Variants in MAGI2 observed in about 807,000 individuals in gnomAD.
The protein encoded by MAGI2 is membrane associated guanylate kinase, WW and PDZ domain containing 2.
MAGI2 carries 35 observed loss-of-function variants against 133.3 expected under a neutral mutation model. That is an observed-to-expected ratio of 0.26 (90% CI 0.20 to 0.35). MAGI2 has a LOEUF of 0.35. MAGI2 is among the 10% of genes least tolerant of loss of function. MAGI2 has a pLI of 1.00. For missense variants in MAGI2, 1,636 were observed against 1,863.4 expected (o/e 0.88, Z 2.25); for synonymous variants, 729 against 710.6 (o/e 1.03, Z -0.41).
chr7:79,304,442 G>A (rs796790746), intron 1 of MAGI2, among the ~76,000 whole-genome samples: 12 of 152,112 alleles, frequency 7.9e-5, no homozygotes, highest in African/African-American at 2.9e-4. Context: ...ATGGGAGACG[G>A]AAGGTTGAAA....
intron 2 of MAGI2, among the ~76,000 whole-genome samples, chr7:78,815,010 G>A (rs184678315): frequency 6.6e-6 from 1 of 152,266 alleles, no homozygotes; most frequent in African/African-American, 2.4e-5. Flanking sequence ...TTACAGGTGA[G>A]AGCCACCACA....
intron 9 of MAGI2, among the ~76,000 whole-genome samples, chr7:78,307,191 G>A (rs574071292): frequency 6.6e-6 from 1 of 152,168 alleles, no homozygotes; most frequent in South Asian, 2.1e-4. Flanking sequence ...GACAACTTTT[G>A]TAATACAAAA....
intron 1 of MAGI2, among the ~76,000 whole-genome samples, chr7:79,051,161 G>A (rs1239487454): frequency 6.6e-6 from 1 of 152,058 alleles, no homozygotes; most frequent in Admixed American, 6.6e-5. Context: ...GAGATACCTG[G>A]TCATAGAATT....
intron 2 of MAGI2, among the ~76,000 whole-genome samples, chr7:78,805,656 G>A (rs1359502105): frequency 2.0e-5 from 3 of 152,140 alleles, no homozygotes; most frequent in South Asian, 2.1e-4. Context: ...AAAGGATACC[G>A]TGGAAATGAT....
rs548486117 is a variant in MAGI2 at position 78,802,189 on chromosome 7, C to A, written c.419-174950G>T. On this transcript the variant is annotated intron_variant, in intron 2 of 21. Coordinates refer to ENST00000354212, the MANE Select transcript of MAGI2 (RefSeq NM_012301.4). The stretch of plus-strand genomic sequence containing the variant: ...TTCAAATAGATTTTCCTTGATCCAC[C>A]AGTCTAACTTAAATTCCTTAAGTTA... Among the ~76,000 whole-genome samples, 19 of 152,254 alleles carry A rather than the reference C, an allele frequency of 1.2e-4. No individual in the cohort carries two copies. The South Asian group carries it at 3.9e-3, about 32-fold the overall frequency.
chr7:78,726,636 T>C (rs11772790), intron 2 of MAGI2, among the ~76,000 whole-genome samples: 12,818 of 152,176 alleles, frequency 0.084, 723 homozygotes, highest in African/African-American at 0.15. Context: ...GAATAAATGG[T>C]TTCAACATTA....
rs191658027 is a variant in MAGI2 at position 78,779,321 on chromosome 7, T to A, written c.419-152082A>T. ...CCACATCTCCTTAGTTCACCTGACA[T>A]TTGCCTGAATGGCTTTCACTATTTA... On this transcript the variant is annotated intron_variant, in intron 2 of 21. Transcript: ENST00000354212. 2.3e-3 allele frequency among the ~76,000 whole-genome samples: 348 copies of A among 152,286 alleles called. 3 individuals carry two copies. The highest frequency in any genetic ancestry group is 7.9e-3 in the African/African-American group (327 of 41,568).
At chr7:79,415,603 T>A (rs377050361) in intron 1 of MAGI2, 1 of 152,078 alleles carries the variant, frequency 6.6e-6, no homozygotes, top group African/African-American at 2.4e-5. Flanking sequence ...CAGTTGGAAG[T>A]TTCCAATGGT....
chr7:78,328,530 C>CACACACACACACACA (rs10525463), intron 9 of MAGI2, among the ~76,000 whole-genome samples: 11,881 of 123,712 alleles, frequency 0.096, 752 homozygotes, highest in Non-Finnish European at 0.12. Context: ...CACACACACA[C>CACACACACACACACA]CCCTCTCTCT....
At chr7:79,445,188 G>A (rs1324878275) in intron 1 of MAGI2, among the ~76,000 whole-genome samples, 1 of 152,134 alleles carries the variant, frequency 6.6e-6, no homozygotes, top group Non-Finnish European at 1.5e-5. Flanking sequence ...AGACTTAAAT[G>A]TTAGACCTAA....
At chr7:78,346,487 C>A (rs1258715278) in intron 7 of MAGI2, among the ~76,000 whole-genome samples, 1 of 152,108 alleles carries the variant, frequency 6.6e-6, no homozygotes, top group East Asian at 1.9e-4. Flanking sequence ...GTATAGCAAC[C>A]AGAGTCTGCA....
At chr7:78,838,636 C>T (rs1360933480) in intron 2 of MAGI2, among the ~76,000 whole-genome samples, 30 of 151,368 alleles carry the variant, frequency 2.0e-4, no homozygotes, top group Admixed American at 2.0e-3. Context: ...TTTGTATGTA[C>T]AAATATATTT....
chr7:79,124,435 A>G (rs1480176412), intron 1 of MAGI2, among the ~76,000 whole-genome samples: 1 of 152,198 alleles, frequency 6.6e-6, no homozygotes, highest in Admixed American at 6.5e-5. Context: ...AAAGGTAGTT[A>G]TTTTGTCTAA....
At chr7:79,301,607 G>A (rs1442161046) in intron 1 of MAGI2, among the ~76,000 whole-genome samples, 3 of 152,190 alleles carry the variant, frequency 2.0e-5, no homozygotes, top group Non-Finnish European at 4.4e-5. Context: ...TGCCTCAGAT[G>A]AGACTTTGGA....
At chr7:79,006,563 T>C (rs945103717) in intron 2 of MAGI2, 1 of 152,206 alleles carries the variant, frequency 6.6e-6, no homozygotes, top group Non-Finnish European at 1.5e-5. Context: ...ATAAGAAATT[T>C]ACCCCAACAT....
chr7:78,817,801 C>T (rs907755145), intron 2 of MAGI2, among the ~76,000 whole-genome samples: 5 of 151,826 alleles, frequency 3.3e-5, no homozygotes, highest in Non-Finnish European at 5.9e-5. Context: ...CCTCTGCCTC[C>T]TGGGTTCAAG....
intron 1 of MAGI2, among the ~76,000 whole-genome samples, chr7:79,146,999 G>C (rs1346847527): frequency 6.6e-6 from 1 of 152,180 alleles, no homozygotes; most frequent in Non-Finnish European, 1.5e-5. Context: ...ATATCAAAGT[G>C]TTAAGAATGC....
rs567904634 is a variant in MAGI2 at position 78,162,538 on chromosome 7, A to C, written c.2597-2265T>G. Among the ~76,000 whole-genome samples the C allele has an allele frequency of 6.6e-4, 79 of 119,644 alleles. 2 individuals are homozygous for C. Among genetic ancestry groups the C allele is most frequent in the African/African-American group, 1.8e-3 (63 of 35,176 alleles). The allele number at this position is 119,644 out of a possible 152,430, so 78.5% of individuals were successfully genotyped here. A position where few individuals can be genotyped will look rare whatever the true frequency, so the allele number is the denominator to read the frequency against. ...AGACTCTGCCTCAAAAAAAAAAAAC[A>C]AAAAACAAAAACGAAAGAAGAATTA... On this transcript the variant is annotated intron_variant, in intron 15 of 21. Coordinates refer to ENST00000354212, the MANE Select transcript of MAGI2 (RefSeq NM_012301.4).
intron 1 of MAGI2, among the ~76,000 whole-genome samples, chr7:79,284,735 G>A (rs1835881583): frequency 6.6e-6 from 1 of 152,018 alleles, no homozygotes; most frequent in Non-Finnish European, 1.5e-5. Flanking sequence ...ATGTTCAATT[G>A]GAACGTTACC....
Sources: gnomAD v4.1 joint callset for allele counts (sites outside exome capture counted in the v4.1 genomes callset) on GRCh38, gnomAD v4.1.1 for gene constraint, MANE v1.5 for transcripts, NCBI Gene and HGNC (gene_info 2026-07-23, HGNC 2026-07-21) for gene names.